EEIG1: variants seen among roughly 807,000 people sequenced by gnomAD.
EEIG1 encodes early estrogen-induced gene 1 protein.
At chr9:127,955,000 A>T in the EEIG1 span, among the ~76,000 whole-genome samples, 1 of 152,180 alleles carries the variant, frequency 6.6e-6, no homozygotes, top group African/African-American at 2.4e-5. Context: ...ACGTGGCAGA[A>T]CCGAGCTCTG....
At chr9:127,954,854 T>A in the EEIG1 span, among the ~76,000 whole-genome samples, 1 of 152,224 alleles carries the variant, frequency 6.6e-6, no homozygotes, top group Non-Finnish European at 1.5e-5. Flanking sequence ...AGCATGACCA[T>A]GCTGAAAAAT....
chr9:127,950,445 C>T, the EEIG1 span: 6 of 1,613,778 alleles, frequency 3.7e-6, no homozygotes, highest in African/African-American at 4.0e-5. Flanking sequence ...GTTGTCCTGG[C>T]GAGTGTTCTT....
the EEIG1 span, among the ~76,000 whole-genome samples, chr9:127,979,782 AAGACTAGACCCCC>A: frequency 6.6e-6 from 1 of 152,202 alleles, no homozygotes. Flanking sequence ...AGAAGGCTGA[AAGACTAGACCCCC>A]AGGTATTTGG....
At chr9:127,945,992 G>A in the EEIG1 span, among the ~76,000 whole-genome samples, 10,852 of 152,338 alleles carry the variant, frequency 0.071, 462 homozygotes, top group Middle Eastern at 0.099. This position sits in a 1 kb window ranked among gnomAD's most constrained non-coding sequence, Gnocchi z 6.5. Flanking sequence ...CAGCGAGGAA[G>A]AAGAACGCTG....
the EEIG1 span, among the ~76,000 whole-genome samples, chr9:127,970,756 T>C: frequency 1.3e-5 from 2 of 151,056 alleles, no homozygotes; most frequent in African/African-American, 4.9e-5. Flanking sequence ...TCAAGCTCCC[T>C]CCCAGGCCAG....
chr9:127,944,244 A>T, the EEIG1 span: 1 of 341,006 alleles, frequency 2.9e-6, no homozygotes, highest in Non-Finnish European at 5.5e-6. Context: ...TAAACCCATG[A>T]GGCATCACCA....
At chr9:127,952,485 C>T in the EEIG1 span, among the ~76,000 whole-genome samples, 1 of 152,222 alleles carries the variant, frequency 6.6e-6, no homozygotes, top group Non-Finnish European at 1.5e-5. Context: ...GCTGTCTTCT[C>T]CCTCTTTGCC....
At chr9:127,970,165 G>A in the EEIG1 span, among the ~76,000 whole-genome samples, 1 of 152,002 alleles carries the variant, frequency 6.6e-6, no homozygotes, top group Non-Finnish European at 1.5e-5. Context: ...CTACGCTGGA[G>A]TGCAGTGGCG....
chr9:127,958,797 T>A, the EEIG1 span, among the ~76,000 whole-genome samples: 2 of 152,066 alleles, frequency 1.3e-5, no homozygotes, highest in Admixed American at 1.3e-4. Context: ...GGGACTGGTA[T>A]CCAGAATATA....
the EEIG1 span, among the ~76,000 whole-genome samples, chr9:127,951,430 T>G: frequency 0.77 from 116,525 of 152,100 alleles, 46,064 homozygotes; most frequent in Non-Finnish European, 0.87. Flanking sequence ...TCTACTGCAG[T>G]GTTCAGGGCA....
the EEIG1 span, among the ~76,000 whole-genome samples, chr9:127,967,699 C>G: frequency 1.3e-5 from 2 of 152,222 alleles, no homozygotes; most frequent in Non-Finnish European, 2.9e-5. Flanking sequence ...CATTGGGAAG[C>G]AGAGACTGGG....
the EEIG1 span, among the ~76,000 whole-genome samples, chr9:127,959,596 C>T: frequency 2.6e-5 from 4 of 152,100 alleles, no homozygotes; most frequent in Non-Finnish European, 5.9e-5. Flanking sequence ...GGGGTGGTTT[C>T]CCCGATGCTG....
At chr9:127,979,892 C>T in the EEIG1 span, 1 of 1,381,598 alleles carries the variant, frequency 7.2e-7, no homozygotes, top group Non-Finnish European at 9.7e-7. Context: ...TCCCCCGGAT[C>T]CTCCTCACAC....
the EEIG1 span, chr9:127,948,425 G>A: frequency 9.3e-6 from 15 of 1,613,962 alleles, no homozygotes; most frequent in Admixed American, 3.3e-5. Flanking sequence ...CTGTGGCGAG[G>A]GGAGCAATCA....
At chr9:127,980,289 C>T in the EEIG1 span, 14 of 813,522 alleles carry the variant, frequency 1.7e-5, no homozygotes, top group African/African-American at 2.4e-4. Flanking sequence ...TCCGGGGCCC[C>T]AGGTCTGAGA....
the EEIG1 span, among the ~76,000 whole-genome samples, chr9:127,969,755 A>G: frequency 6.6e-6 from 1 of 152,296 alleles, no homozygotes; most frequent in African/African-American, 2.4e-5. Flanking sequence ...CCTCATAAAC[A>G]AGACTGATGC....
chr9:127,969,828 T>C, the EEIG1 span, among the ~76,000 whole-genome samples: 7 of 152,110 alleles, frequency 4.6e-5, no homozygotes, highest in Non-Finnish European at 1.0e-4. Flanking sequence ...CCCAGGGATC[T>C]CCTCCAGGCT....
At chr9:127,950,366 G>T in the EEIG1 span, 82 of 1,552,298 alleles carry the variant, frequency 5.3e-5, no homozygotes, top group Admixed American at 1.9e-4. Context: ...CTGATGAGCA[G>T]CCTGGTTTGT....
the EEIG1 span, among the ~76,000 whole-genome samples, chr9:127,969,494 G>A: frequency 6.6e-6 from 1 of 152,162 alleles, no homozygotes; most frequent in Non-Finnish European, 1.5e-5. Flanking sequence ...CAGAGACTAC[G>A]ATGGGCACAT....
Sources: allele counts gnomAD v4.1 joint callset (sites outside exome capture counted in the v4.1 genomes callset), GRCh38; gene constraint gnomAD v4.1.1; non-coding constraint Gnocchi (gnomAD v3.1); transcripts MANE v1.5; gene names NCBI Gene and HGNC (gene_info 2026-07-23, HGNC 2026-07-21).